The following OTOG variants were observed in gnomAD, a reference collection of about 807,000 sequenced individuals.
The protein encoded by OTOG is otogelin.
OTOG carries 296 observed loss-of-function variants against 313.8 expected under a neutral mutation model. The observed-to-expected ratio is 0.94, with a 90% CI of 0.86 to 1.04. The LOEUF is 1.04. OTOG is among the 50% of genes least tolerant of loss of function. The pLI is 0.00. For missense variants in OTOG, 3,948 were observed against 3,840.1 expected (o/e 1.03, Z -0.74); for synonymous variants, 1,533 against 1,554.9 (o/e 0.99, Z 0.33).
intron 12 of OTOG, 42 bp downstream of exon 12, chr11:17,559,704 G>C (rs1473176783): frequency 6.5e-7 from 1 of 1,548,246 alleles, no homozygotes; most frequent in South Asian, 1.2e-5. Context: ...CCATCTTCCT[G>C]GCCTGGCACA....
At chr11:17,628,896 C>T (rs1854047111) in intron 39 of OTOG, among the ~76,000 whole-genome samples, 1 of 152,206 alleles carries the variant, frequency 6.6e-6, no homozygotes, top group South Asian at 2.1e-4. Flanking sequence ...TGTTGCATTT[C>T]TTGTTTCATT....
chr11:17,625,621 T>C (rs1565123901), intron 39 of OTOG, among the ~76,000 whole-genome samples: 1 of 152,186 alleles, frequency 6.6e-6, no homozygotes, highest in Non-Finnish European at 1.5e-5. Flanking sequence ...CTATTTCAAA[T>C]TTTTTGTGCA....
At chr11:17,571,938 CCT>C (rs1852413341) in intron 17 of OTOG, 140 bp from the exon 18 acceptor site, 1 of 1,127,556 alleles carries the variant, frequency 8.9e-7, no homozygotes, top group Non-Finnish European at 1.3e-6. Context: ...TACACGTGCT[CCT>C]CTGAGTGTGT....
intron 8 of OTOG, among the ~76,000 whole-genome samples, 170 bp downstream of exon 8, chr11:17,557,493 T>C (rs1004481689): frequency 4.6e-5 from 7 of 152,178 alleles, no homozygotes; most frequent in Non-Finnish European, 7.3e-5. Flanking sequence ...TCCTTGGGCA[T>C]GTTCTTAAAC....
intron 11 of OTOG, among the ~76,000 whole-genome samples, 171 bp downstream of exon 11, chr11:17,559,332 T>C (rs573177536): frequency 6.6e-6 from 1 of 152,288 alleles, no homozygotes; most frequent in South Asian, 2.1e-4. Context: ...TGGGAGGAGC[T>C]AGCCTGGGTG....
At chr11:17,558,483 G>A in intron 9 of OTOG, 55 bp from the exon 10 acceptor site, 2 of 1,543,932 alleles carry the variant, frequency 1.3e-6, no homozygotes, top group Non-Finnish European at 1.8e-6. Flanking sequence ...GTTCTGTGTG[G>A]GGCTGTGTGT....
In OTOG at chr11:17,554,007, A is replaced by C. The variant is rs1224597636; in HGVS notation, c.540+488A>C. The stretch of plus-strand genomic sequence containing the variant: ...GGGAAAGCTTCCTGGAGAAAGTCAC[A>C]TTTAAGTTGAGGTTTAAGGAATAAA... On this transcript the variant is annotated intron_variant, in intron 6 of 55. Coordinates refer to ENST00000399397, the MANE Select transcript of OTOG (RefSeq NM_001292063.2). Among the ~76,000 whole-genome samples the C allele has an allele frequency of 2.0e-5, 3 of 152,202 alleles. No individual in the cohort carries two copies. In the South Asian group the frequency reaches 6.2e-4, roughly 32 times the overall value.
chr11:17,610,654 C>T lies in OTOG; in HGVS notation c.5354C>T (p.Thr1785Ile), dbSNP rs746783998. 2 of 1,550,764 alleles carry T rather than the reference C, an allele frequency of 1.3e-6. No individual in the cohort carries two copies. The highest frequency in any genetic ancestry group is 2.4e-5 in the South Asian group (2 of 84,062). The change falls in exon 36 of 56, where the codon ACA (threonine) becomes ATA (isoleucine). Residue 1785 changes from threonine to isoleucine, a missense_variant. Physicochemically the swap from Thr to Ile is moderately conservative, Grantham distance 89. Transcript: ENST00000399397. ...ACAGCCACTGATGGGCTGGCAGCCA[C>T]ACCCTTCATGTCCCTTGAGTCAACT... ...LSTATDGLAA[T>I]PFMSLESTRP...
At chr11:17,600,672 G>A (rs1413118520) in intron 31 of OTOG, among the ~76,000 whole-genome samples, 2 of 152,184 alleles carry the variant, frequency 1.3e-5, no homozygotes, top group East Asian at 3.8e-4. Flanking sequence ...GACAGCCCCA[G>A]ACCTTCAATT....
intron 26 of OTOG, 55 bp downstream of exon 26, chr11:17,593,382 G>A: frequency 6.5e-7 from 1 of 1,540,058 alleles, no homozygotes; most frequent in Non-Finnish European, 8.8e-7. Context: ...TACCAGGGTT[G>A]GGGCAGAAGA....
At chr11:17,561,319 C>T (rs1044929184) in intron 14 of OTOG, among the ~76,000 whole-genome samples, 182 bp downstream of exon 14, 4 of 152,228 alleles carry the variant, frequency 2.6e-5, no homozygotes, top group African/African-American at 7.2e-5. Flanking sequence ...CCAGCCCCTG[C>T]CAGGAAGGGT....
intron 23 of OTOG, among the ~76,000 whole-genome samples, chr11:17,583,740 T>C (rs1490256875): frequency 1.3e-5 from 2 of 152,212 alleles, no homozygotes; most frequent in Non-Finnish European, 2.9e-5. Flanking sequence ...AGCCTTGAAA[T>C]CAGGAAGTGA....
In OTOG at chr11:17,611,213, C is replaced by T; in HGVS notation, c.5913C>T (p.Ala1971=). 1 of 1,550,578 alleles carries T rather than the reference C, an allele frequency of 6.4e-7. No individual in the cohort carries two copies. The highest frequency in any genetic ancestry group is 1.2e-5 in the South Asian group (1 of 84,052). The change falls in exon 36 of 56, where the codon GCC becomes GCT. Residue 1971 remains alanine, a synonymous_variant. Coordinates refer to ENST00000399397, the MANE Select transcript of OTOG (RefSeq NM_001292063.2). ...PTSYALSRVS[A]RTAPQDSMLV... Reference sequence around the variant, plus strand: ...CCTATGCCCTGAGCCGTGTCTCAGCCAGGACGGCCCCCCAAGACAGCATGC... The same window carrying T: ...CCTATGCCCTGAGCCGTGTCTCAGCTAGGACGGCCCCCCAAGACAGCATGC...
Position 17,602,290 on chromosome 11 carries a change from A to C in OTOG, c.3790A>C (p.Ile1264Leu), listed in dbSNP as rs1300583917. 6.4e-7 allele frequency: 1 copy of C among 1,550,488 alleles called. No homozygotes were observed. The highest frequency in any genetic ancestry group is 2.4e-5 in the East Asian group (1 of 40,926). The change falls in exon 32 of 56, where the codon ATA (isoleucine) becomes CTA (leucine). Residue 1264 changes from isoleucine to leucine, a missense_variant. Transcript: ENST00000399397. ...GGGCATGAAGGCGGTGGGCGATGAC[A>C]TAGTCCTAGTGAGGACAGAGGATGT... ...LVGMKAVGDD[I>L]VLVRTEDVAP...
In OTOG at chr11:17,569,198, C is replaced by T; in HGVS notation, c.1687C>T (p.His563Tyr). The T allele has an allele frequency of 6.4e-7, 1 of 1,550,650 alleles. No individual in the cohort carries two copies. The highest frequency in any genetic ancestry group is 8.7e-7 in the Non-Finnish European group (1 of 1,147,006). Residue 563 changes from histidine to tyrosine, a missense_variant, in exon 16 of 56, where the codon CAC (histidine) becomes TAC (tyrosine). Coordinates refer to ENST00000399397, the MANE Select transcript of OTOG (RefSeq NM_001292063.2). ...ACVQSVSVIL[H>Y]QDPRRQVTLT... ...TGTCCAGTCAGTGTCAGTGATTCTG[C>T]ACCAGGACCCTCGGAGGCAGGTGAC...
At chr11:17,633,514 T>G (rs1215010627) in intron 42 of OTOG, among the ~76,000 whole-genome samples, 166 bp from the exon 43 acceptor site, 1 of 152,170 alleles carries the variant, frequency 6.6e-6, no homozygotes, top group Admixed American at 6.5e-5. Flanking sequence ...TGAGTCCTGA[T>G]CTAAGGAAGG....
At chr11:17,616,381 T>C (rs1405915216) in intron 39 of OTOG, among the ~76,000 whole-genome samples, 1 of 152,226 alleles carries the variant, frequency 6.6e-6, no homozygotes, top group African/African-American at 2.4e-5. Context: ...CCTTTAACTT[T>C]TCATAGAAAT....
rs554783653 is a variant in OTOG, at chr11:17,644,033, C to CA, written c.8461+529dup. 1.6e-3 allele frequency among the ~76,000 whole-genome samples: 250 copies of CA among 152,358 alleles called. 8 individuals carry two copies. In the East Asian group the frequency reaches 0.035, roughly 22 times the overall value. ...CAGGCAGCCGCATTGCTATGTCCAG[C>CA]AATGTCCCTTCTGCTAGATGGCCTG... On this transcript the variant is annotated intron_variant, in intron 54 of 55. Transcript: ENST00000399397.
In OTOG at chr11:17,553,101, T is replaced by C; in HGVS notation, c.293-18T>C. ...AATCTCAGCTTGATGGGGCAATGACTCTGTGTCTCCCATGCAGACTTGTTC... is the reference window on the plus strand; with the variant it reads ...AATCTCAGCTTGATGGGGCAATGACCCTGTGTCTCCCATGCAGACTTGTTC... On this transcript the variant is annotated intron_variant, in intron 4 of 55. Coordinates refer to ENST00000399397, the MANE Select transcript of OTOG (RefSeq NM_001292063.2). 3 of 1,549,948 alleles carry C rather than the reference T, an allele frequency of 1.9e-6. No individual in the cohort carries two copies. The highest frequency in any genetic ancestry group is 2.4e-5 in the South Asian group (2 of 84,036).
Sources: gnomAD v4.1 joint callset for allele counts (sites outside exome capture counted in the v4.1 genomes callset) on GRCh38, gnomAD v4.1.1 for gene constraint, MANE v1.5 for transcripts, NCBI Gene and HGNC (gene_info 2026-07-23, HGNC 2026-07-21) for gene names.